FRYL: variants seen among roughly 807,000 people sequenced by gnomAD.
FRYL encodes the protein protein furry homolog-like.
FRYL carries 150 observed loss-of-function variants against 351.2 expected under a neutral mutation model. The ratio of observed to expected loss-of-function variants is 0.43; its 90% CI spans 0.37 to 0.49. FRYL has a LOEUF of 0.49. Among genes scored for constraint, FRYL ranks in the 20% least tolerant of loss-of-function variants. The probability of loss-of-function intolerance (pLI) is 0.00; values close to 1 mark genes in which losing one functional copy is unlikely to be tolerated. For missense variants in FRYL, 3,036 were observed against 3,619.3 expected (o/e 0.84, Z 4.13); for synonymous variants, 1,153 against 1,257.1 (o/e 0.92, Z 1.75).
rs747703255 is a variant in FRYL, at chr4:48,576,187, G to A, written c.2564C>T (p.Thr855Ile). Reference sequence around the variant, plus strand: ...CAGGCCAATGTATGAGTCACTGCTTGTGGTGGTATTTACTTTCTTAGCATT... The same window carrying A: ...CAGGCCAATGTATGAGTCACTGCTTATGGTGGTATTTACTTTCTTAGCATT... ...PINAKKVNTT[T>I]SSDSYIGLWR... is the part of the protein sequence containing the mutation. The change falls in exon 24 of 64, where the codon ACA becomes ATA. Residue 855 changes from threonine to isoleucine, a missense_variant. Physicochemically the swap from Thr to Ile is moderately conservative, Grantham distance 89. Coordinates refer to ENST00000358350, the MANE Select transcript of FRYL (RefSeq NM_015030.2). 1.2e-6 allele frequency: 2 copies of A among 1,610,884 alleles called. No individual in the cohort carries two copies. The highest frequency in any genetic ancestry group is 1.7e-6 in the Non-Finnish European group (2 of 1,178,854).
chr4:48,703,226 G>C (rs546367719), intron 2 of FRYL, among the ~76,000 whole-genome samples: 1 of 152,262 alleles, frequency 6.6e-6, no homozygotes, highest in Non-Finnish European at 1.5e-5. Flanking sequence ...GGGGAATAGG[G>C]ACTAAGACAG....
chr4:48,674,109 T>C lies in FRYL; in HGVS notation c.-81+10564A>G, dbSNP rs1578666661. ...TTTTTGTTACATTAACCCTTATCCT[T>C]GATTCCAAATGGAATGAACAGCGAC... On this transcript the variant is annotated intron_variant, in intron 3 of 63. Transcript: ENST00000358350. Among the ~76,000 whole-genome samples, 3 of 152,368 alleles carry C rather than the reference T, an allele frequency of 2.0e-5. No individual in the cohort carries two copies. The South Asian group carries it at 6.2e-4, about 32-fold the overall frequency.
chr4:48,570,806 C>A, intron 27 of FRYL, 21 bp downstream of exon 27: 2 of 1,538,828 alleles, frequency 1.3e-6, no homozygotes, highest in Non-Finnish European at 1.8e-6. Context: ...AGAGTTTTAA[C>A]AATGTGAATC....
chr4:48,547,043 T>C (rs765443487), intron 41 of FRYL, among the ~76,000 whole-genome samples: 8 of 152,118 alleles, frequency 5.3e-5, no homozygotes, highest in Non-Finnish European at 1.2e-4. Flanking sequence ...GTTATTAGCC[T>C]GATGGTACTG....
intron 18 of FRYL, among the ~76,000 whole-genome samples, chr4:48,587,402 T>C (rs776591): frequency 0.41 from 62,574 of 151,970 alleles, 14,164 homozygotes; most frequent in Admixed American, 0.56. Flanking sequence ...CCTCTTAATA[T>C]ACTGGTTTTT....
chr4:48,756,628 T>G (rs1330645290), intron 1 of FRYL, among the ~76,000 whole-genome samples: 7 of 152,160 alleles, frequency 4.6e-5, no homozygotes, highest in Admixed American at 4.6e-4. Context: ...TTACAGTAAT[T>G]TATATCAAAT....
chr4:48,621,357 A>G (rs1482176318), intron 5 of FRYL, among the ~76,000 whole-genome samples: 3 of 152,208 alleles, frequency 2.0e-5, no homozygotes, highest in Non-Finnish European at 4.4e-5. Flanking sequence ...AACATAAATG[A>G]TAAGTGTACT....
chr4:48,590,022 G>C (rs1204027607), intron 17 of FRYL, 145 bp from the exon 18 acceptor site: 1 of 667,088 alleles, frequency 1.5e-6, no homozygotes, highest in Admixed American at 2.9e-5. Flanking sequence ...TCTTCTCCCT[G>C]ATGATCAGCT....
intron 3 of FRYL, among the ~76,000 whole-genome samples, chr4:48,635,941 A>C (rs1352205859): frequency 6.6e-6 from 1 of 152,194 alleles, no homozygotes; most frequent in Non-Finnish European, 1.5e-5. Flanking sequence ...TTCAAAACTT[A>C]TTAAAAAATT....
intron 1 of FRYL, among the ~76,000 whole-genome samples, chr4:48,732,985 G>A (rs1770905254): frequency 6.6e-6 from 1 of 151,286 alleles, no homozygotes. Context: ...ATTTAAAGTA[G>A]TGAGAAAAGG....
rs1448352489 is a variant in FRYL, at chr4:48,596,003, GT to G, written c.1036-4del. The G allele has an allele frequency of 6.4e-7, 1 of 1,564,056 alleles. No individual in the cohort carries two copies. Among genetic ancestry groups the G allele is most frequent in the Admixed American group, 1.8e-5 (1 of 54,308 alleles). On this transcript the variant is annotated splice_polypyrimidine_tract_variant and splice_region_variant and intron_variant, in intron 13 of 63. Transcript: ENST00000358350. ...CGAGACATTTTCGGATCTTTATTCT[GT>G]TTTAAAACAAAAGAGAATAAACTTA...
rs374917211 is a variant in FRYL, at chr4:48,563,986, G to T, written c.3558C>A (p.Ala1186=). The T allele has an allele frequency of 6.2e-7, 1 of 1,614,026 alleles. No homozygotes were observed. Among genetic ancestry groups the T allele is most frequent in the Non-Finnish European group, 8.5e-7 (1 of 1,179,978 alleles). ...RCYTGSGRVA[A]GCFKAIANVF... ...CATTAGCAATGGCTTTAAAGCAGCC[G>T]GCCGCCACCCTCCCGGAGCCCGTGT... The change falls in exon 31 of 64, where the codon GCC becomes GCA. Residue 1186 remains alanine, a synonymous_variant. Coordinates refer to ENST00000358350, the MANE Select transcript of FRYL (RefSeq NM_015030.2).
rs1449190072 is a variant in FRYL, at chr4:48,528,237, A to T, written c.7003T>A (p.Ser2335Thr). ...AAGGCATTAGAATTAGAACCAGAAG[A>T]AGTTGAGGAAGTACTTCTAGTGACA... ...IAVTRSTSST[S>T]SGSNSNALVP... The change falls in exon 51 of 64, where the codon TCT becomes ACT. Residue 2335 changes from serine (S) to threonine (T), a missense_variant. By Grantham distance (58) the Ser-to-Thr change is moderately conservative (BLOSUM62 1). Around this residue, in one of 7 missense-constraint regions of FRYL, gnomAD observed 1,987 missense variants for 2,311.7 expected, o/e 0.86. Transcript: ENST00000358350. 2 of 1,613,242 alleles carry T rather than the reference A, an allele frequency of 1.2e-6. No homozygotes were observed. The highest frequency in any genetic ancestry group is 2.2e-5 in the East Asian group (1 of 44,852).
At chr4:48,532,409 G>A (rs560642635) in intron 49 of FRYL, among the ~76,000 whole-genome samples, 16 of 152,330 alleles carry the variant, frequency 1.1e-4, no homozygotes, top group Non-Finnish European at 1.9e-4. Context: ...TGTAATCCCA[G>A]TACTTTGGGG....
intron 3 of FRYL, among the ~76,000 whole-genome samples, chr4:48,683,984 T>C (rs371150377): frequency 1.3e-5 from 2 of 152,184 alleles, no homozygotes; most frequent in African/African-American, 2.4e-5. Flanking sequence ...CAGTGGTACA[T>C]AGAAGAATGC....
chr4:48,500,410 A>AT (rs1719294215), intron 62 of FRYL, among the ~76,000 whole-genome samples, 190 bp from the exon 63 acceptor site: 1 of 152,208 alleles, frequency 6.6e-6, no homozygotes, highest in Non-Finnish European at 1.5e-5. Flanking sequence ...ATTCCACCAA[A>AT]TAGTAGTCTT....
intron 3 of FRYL, chr4:48,638,363 G>T (rs999109937): frequency 6.6e-6 from 1 of 151,974 alleles, no homozygotes; most frequent in Non-Finnish European, 1.5e-5. Context: ...AAAGGCTTTG[G>T]AACATGAACA....
intron 1 of FRYL, among the ~76,000 whole-genome samples, chr4:48,717,215 A>G (rs1768961180): frequency 6.6e-6 from 1 of 151,210 alleles, no homozygotes; most frequent in Non-Finnish European, 1.5e-5. Context: ...TGGCACATGT[A>G]TACATATGTA....
At chr4:48,749,814 A>G (rs1773062435) in intron 1 of FRYL, among the ~76,000 whole-genome samples, 2 of 152,082 alleles carry the variant, frequency 1.3e-5, no homozygotes, top group East Asian at 3.9e-4. Context: ...GTGGCAATCC[A>G]AAGGTCTGTC....
Sources: allele counts gnomAD v4.1 joint callset (sites outside exome capture counted in the v4.1 genomes callset), GRCh38; gene constraint gnomAD v4.1.1; regional missense constraint gnomAD v4.1.1; transcripts MANE v1.5; gene names NCBI Gene and HGNC (gene_info 2026-07-23, HGNC 2026-07-21).